ZYG11B: variants seen among roughly 807,000 people sequenced by gnomAD.
ZYG11B encodes the protein protein zyg-11 homolog B.
In ZYG11B, 36 loss-of-function variants were observed where a neutral mutation model predicts 82.4. The ratio of observed to expected loss-of-function variants is 0.44; its 90% CI spans 0.33 to 0.58. The LOEUF is 0.58. Ranked by LOEUF, ZYG11B falls within the 20% of genes least tolerant of loss-of-function variation. ZYG11B has a pLI of 0.02. For synonymous variants in ZYG11B, 303 were observed against 312.8 expected (o/e 0.97, Z 0.33); for missense variants, 552 against 895.6 (o/e 0.62, Z 4.90).
chr1:52,807,622 G>T (rs1166876319), intron 10 of ZYG11B, among the ~76,000 whole-genome samples: 1 of 151,550 alleles, frequency 6.6e-6, no homozygotes, highest in Non-Finnish European at 1.5e-5. Flanking sequence ...TTCCTGAGTA[G>T]TTGGAATTAT....
rs1334966428 is a variant in ZYG11B, at chr1:52,822,277, C to T, written c.*648C>T. On this transcript the variant is annotated 3_prime_UTR_variant, in exon 14 of 14. Transcript: ENST00000294353. ...TGAGACAGGCTACCCTTCGGGAGTCCACCTCTCTTGAGGCGGTGAGCAGAA... is the reference window on the plus strand; with the variant it reads ...TGAGACAGGCTACCCTTCGGGAGTCTACCTCTCTTGAGGCGGTGAGCAGAA... 1.3e-5 allele frequency: 2 copies of T among 152,182 alleles called. No individual in the cohort carries two copies. Among genetic ancestry groups the T allele is most frequent in the Admixed American group, 1.3e-4 (2 of 15,272 alleles). The allele number at this position is 152,182 out of a possible 1,614,324, so 9.4% of individuals were successfully genotyped here. A position where few individuals can be genotyped will look rare whatever the true frequency, so the allele number is the denominator to read the frequency against.
At chr1:52,730,730 A>G (rs1264160854) in intron 1 of ZYG11B, among the ~76,000 whole-genome samples, 2 of 152,096 alleles carry the variant, frequency 1.3e-5, no homozygotes, top group Non-Finnish European at 2.9e-5. Context: ...CTGTAGTACC[A>G]TCTGCTCTAA....
rs1316616814 is a variant in ZYG11B, at chr1:52,762,268, G to A, written c.196+5645G>A. On this transcript the variant is annotated intron_variant, in intron 2 of 13. Transcript: ENST00000294353. Reference sequence around the variant, plus strand: ...CTGTTATGCAGGCTGGAGTACAGTGGTGTGGTCATGGCTCACTGCAGCCTT... The same window carrying A: ...CTGTTATGCAGGCTGGAGTACAGTGATGTGGTCATGGCTCACTGCAGCCTT... 2.0e-5 allele frequency among the ~76,000 whole-genome samples: 3 copies of A among 150,452 alleles called. No individual in the cohort carries two copies. The East Asian group carries it at 5.9e-4, about 30-fold the overall frequency.
At chr1:52,769,462 CTG>C (rs1397006253) in intron 2 of ZYG11B, among the ~76,000 whole-genome samples, 1 of 152,152 alleles carries the variant, frequency 6.6e-6, no homozygotes, top group Non-Finnish European at 1.5e-5. Flanking sequence ...TCTTCACAAT[CTG>C]GTGTATATTT....
chr1:52,803,955 T>C (rs1645119902), intron 10 of ZYG11B, among the ~76,000 whole-genome samples: 1 of 151,864 alleles, frequency 6.6e-6, no homozygotes, highest in Admixed American at 6.6e-5. Flanking sequence ...AAAAATGTTA[T>C]CAGACTGGAC....
At chr1:52,750,809 C>T (rs1046666306) in intron 1 of ZYG11B, among the ~76,000 whole-genome samples, 1 of 152,230 alleles carries the variant, frequency 6.6e-6, no homozygotes, top group East Asian at 1.9e-4. Flanking sequence ...CAATAATCTC[C>T]TTTCTGTCTC....
rs1162388077 is a variant in ZYG11B, at chr1:52,811,048, A to AG, written c.1696-2488_1696-2487insG. Among the ~76,000 whole-genome samples the AG allele has an allele frequency of 3.5e-3, 386 of 109,432 alleles. 5 individuals are homozygous for AG. Among genetic ancestry groups the AG allele is most frequent in the East Asian group, 0.033 (52 of 1,596 alleles). The allele number at this position is 109,432 out of a possible 152,430, so 71.8% of individuals were successfully genotyped here. ...GGCTCCGTCTCAAAAAAAAAAAAAAAAAAAGAGAAATTTATCTTTCATATT... is the reference window on the plus strand; with the variant it reads ...GGCTCCGTCTCAAAAAAAAAAAAAAAGAAAAGAGAAATTTATCTTTCATATT... On this transcript the variant is annotated intron_variant, in intron 10 of 13. Transcript: ENST00000294353.
At chr1:52,749,601 T>A (rs997763663) in intron 1 of ZYG11B, among the ~76,000 whole-genome samples, 2 of 152,162 alleles carry the variant, frequency 1.3e-5, no homozygotes, top group African/African-American at 4.8e-5. Context: ...GGTTTATTTT[T>A]TTTTATTTTT....
intron 1 of ZYG11B, among the ~76,000 whole-genome samples, chr1:52,755,996 T>A (rs1267728025): frequency 6.6e-6 from 1 of 150,386 alleles, no homozygotes; most frequent in Non-Finnish European, 1.5e-5. Flanking sequence ...GATGGGGTTT[T>A]GCCATGTTGG....
At chr1:52,781,366 G>A (rs1436007886) in intron 4 of ZYG11B, among the ~76,000 whole-genome samples, 1 of 152,122 alleles carries the variant, frequency 6.6e-6, no homozygotes, top group Non-Finnish European at 1.5e-5. Context: ...AGCTGTGGTG[G>A]CACGCACCTG....
intron 2 of ZYG11B, among the ~76,000 whole-genome samples, chr1:52,763,483 C>A (rs1644654493): frequency 6.6e-6 from 1 of 152,032 alleles, no homozygotes; most frequent in Non-Finnish European, 1.5e-5. Context: ...GTGATCTTGG[C>A]TACTTTGAAA....
intron 6 of ZYG11B, among the ~76,000 whole-genome samples, chr1:52,793,261 C>A (rs1644974644): frequency 1.3e-5 from 2 of 152,030 alleles, no homozygotes; most frequent in South Asian, 2.1e-4. Context: ...GTAATCCCAG[C>A]ACTTTGGGAG....
chr1:52,820,293 C>A (rs1217387946), intron 13 of ZYG11B, among the ~76,000 whole-genome samples: 1 of 151,826 alleles, frequency 6.6e-6, no homozygotes, highest in Non-Finnish European at 1.5e-5. Flanking sequence ...AGTTTAGGTT[C>A]CTACCTTGTG....
chr1:52,803,097 T>TATATATATATATACAC lies in ZYG11B; in HGVS notation c.1695+959_1695+960insTATATATATATACACA, dbSNP rs1212524091. 1.3e-3 allele frequency among the ~76,000 whole-genome samples: 57 copies of TATATATATATATACAC among 44,848 alleles called. 4 individuals are homozygous for TATATATATATATACAC. The highest frequency in any genetic ancestry group is 2.3e-3 in the Non-Finnish European group (53 of 22,892). The allele number at this position is 44,848 out of a possible 152,430, so 29.4% of individuals were successfully genotyped here. A position where few individuals can be genotyped will look rare whatever the true frequency, so the allele number is the denominator to read the frequency against. ...ATATATATATATACACATATATATA[T>TATATATATATATACAC]ACATATATATATATATATATACACA... On this transcript the variant is annotated intron_variant, in intron 10 of 13. Transcript: ENST00000294353.
In ZYG11B at chr1:52,744,283, G is replaced by A. The variant is rs553375314; in HGVS notation, c.31-12175G>A. On this transcript the variant is annotated intron_variant, in intron 1 of 13. Coordinates refer to ENST00000294353, the MANE Select transcript of ZYG11B (RefSeq NM_024646.3). ...CAGATACACAAATACTTAACATTTT[G>A]TTACAGTTGCCTACAGTATTCAGTA... Among the ~76,000 whole-genome samples the A allele has an allele frequency of 3.3e-5, 5 of 152,186 alleles. No individual in the cohort carries two copies. The East Asian group carries it at 7.7e-4, about 24-fold the overall frequency.
At chr1:52,740,541 G>GAT (rs1644414927) in intron 1 of ZYG11B, among the ~76,000 whole-genome samples, 2 of 149,740 alleles carry the variant, frequency 1.3e-5, no homozygotes, top group African/African-American at 2.5e-5. Context: ...TATTGTCTGT[G>GAT]ATCTATGCCC....
intron 4 of ZYG11B, among the ~76,000 whole-genome samples, chr1:52,780,337 C>A (rs1644845410): frequency 1.3e-5 from 2 of 152,010 alleles, no homozygotes; most frequent in Non-Finnish European, 2.9e-5. Context: ...TATATTGCTT[C>A]CCAAATAGAT....
chr1:52,803,191 C>CATATAT (rs774775340), intron 10 of ZYG11B, among the ~76,000 whole-genome samples: 4 of 69,286 alleles, frequency 5.8e-5, no homozygotes, highest in Admixed American at 2.0e-4. Context: ...TATATATACA[C>CATATAT]ATATATATAT....
At chr1:52,789,977 A>AT (rs1644943252) in intron 5 of ZYG11B, 26 bp from the exon 6 acceptor site, 4 of 1,515,816 alleles carry the variant, frequency 2.6e-6, no homozygotes, top group East Asian at 2.3e-5. Context: ...TTTATTTAGG[A>AT]TTTTTTTCTT....
Sources: allele counts gnomAD v4.1 joint callset (sites outside exome capture counted in the v4.1 genomes callset), GRCh38; gene constraint gnomAD v4.1.1; transcripts MANE v1.5; gene names NCBI Gene and HGNC (gene_info 2026-07-23, HGNC 2026-07-21).